The following FGF13 variants were observed in gnomAD, a reference collection of about 807,000 sequenced individuals.
FGF13 encodes fibroblast growth factor 13.
FGF13 carries 2 observed loss-of-function variants against 19.5 expected under a neutral mutation model. The observed-to-expected ratio is 0.10, with a 90% CI of 0.04 to 0.32. The LOEUF (loss-of-function observed/expected upper bound fraction) is 0.32. Among genes scored for constraint, FGF13 ranks in the 10% least tolerant of loss-of-function variants. The pLI is 1.00. For synonymous variants in FGF13, 72 were observed against 76.9 expected (o/e 0.94, Z 0.33); for missense variants, 113 against 192.7 (o/e 0.59, Z 2.45).
At chrX:139,066,650 A>G (rs1178226010) in intron 1 of FGF13, among the ~76,000 whole-genome samples, 2 of 111,503 alleles carry the variant, frequency 1.8e-5, no homozygotes, top group Non-Finnish European at 3.8e-5. Flanking sequence ...CCTACCAACC[A>G]AAACGTCGAG....
At chrX:138,636,510 T>TTGAGTGTACACGTGTC (rs2089186373) in intron 3 of FGF13, among the ~76,000 whole-genome samples, 1 of 112,181 alleles carries the variant, frequency 8.9e-6, no homozygotes. Flanking sequence ...TTTTGTGTGT[T>TTGAGTGTACACGTGTC]TGAGTGTACA....
intron 1 of FGF13, among the ~76,000 whole-genome samples, chrX:138,883,265 C>A (rs2091436885): frequency 8.9e-6 from 1 of 111,931 alleles, no homozygotes; most frequent in Admixed American, 9.5e-5. Flanking sequence ...GGAGGTAAAG[C>A]CCAACTTCAT....
intron 1 of FGF13, among the ~76,000 whole-genome samples, chrX:139,073,381 A>G (rs1244907428): frequency 1.8e-5 from 2 of 111,304 alleles, no homozygotes; most frequent in African/African-American, 6.5e-5. Context: ...TAAAAATAAT[A>G]ATATCATAAG....
intron 1 of FGF13, among the ~76,000 whole-genome samples, chrX:139,111,511 C>G (rs1048378684): frequency 8.9e-6 from 1 of 111,913 alleles, no homozygotes; most frequent in African/African-American, 3.2e-5. Context: ...CTGCCTAATA[C>G]TGAATAACTT....
intron 3 of FGF13, among the ~76,000 whole-genome samples, chrX:138,785,060 A>T (rs998780005): frequency 8.9e-6 from 1 of 112,101 alleles, no homozygotes; most frequent in Non-Finnish European, 1.9e-5. Flanking sequence ...ATGATGTTAC[A>T]GTGTTTTTTC....
At chrX:138,725,717 A>G (rs2090180874) in intron 1 of FGF13, among the ~76,000 whole-genome samples, 1 of 111,238 alleles carries the variant, frequency 9.0e-6, no homozygotes, top group African/African-American at 3.3e-5. Flanking sequence ...TTTTTTCCTA[A>G]CGGTATTTGG....
chrX:138,749,430 G>A (rs1454713640), intron 3 of FGF13, among the ~76,000 whole-genome samples: 1 of 110,137 alleles, frequency 9.1e-6, no homozygotes, highest in Non-Finnish European at 1.9e-5. Context: ...CACAGGCATT[G>A]TAAAATCACA....
downstream of FGF13, among the ~76,000 whole-genome samples, chrX:138,855,841 T>C (rs1196784693): frequency 8.9e-6 from 1 of 111,833 alleles, no homozygotes; most frequent in African/African-American, 3.2e-5. Flanking sequence ...GAAATATTGT[T>C]AAAAATATTT....
At chrX:138,973,544 G>T (rs1158831380) in intron 1 of FGF13, among the ~76,000 whole-genome samples, 1 of 111,797 alleles carries the variant, frequency 8.9e-6, no homozygotes, top group Non-Finnish European at 1.9e-5. Flanking sequence ...TCTAATGTTT[G>T]TTTGTTGATT....
chrX:139,203,064 C>A (rs2084428615), intron 1 of FGF13, among the ~76,000 whole-genome samples: 1 of 112,493 alleles, frequency 8.9e-6, no homozygotes, highest in Non-Finnish European at 1.9e-5. Context: ...CATTCTGGAG[C>A]TAATCCCGGT....
chrX:139,081,694 G>A (rs781079791), intron 1 of FGF13, among the ~76,000 whole-genome samples: 1 of 106,092 alleles, frequency 9.4e-6, no homozygotes, highest in East Asian at 3.0e-4. Context: ...AGTGTGCTCA[G>A]ACCAGAAACC....
At chrX:139,184,354 A>G (rs1052240764) in intron 1 of FGF13, among the ~76,000 whole-genome samples, 7 of 111,862 alleles carry the variant, frequency 6.3e-5, no homozygotes, top group African/African-American at 2.3e-4. Flanking sequence ...CTTGTGGGTA[A>G]TACATTTTTA....
intron 3 of FGF13, among the ~76,000 whole-genome samples, chrX:138,849,817 C>T (rs926943812): frequency 7.1e-5 from 8 of 111,900 alleles, no homozygotes; most frequent in Non-Finnish European, 1.1e-4. Flanking sequence ...GTATAACTTC[C>T]AGATGTTTTC....
At chrX:139,024,385 C>T (rs1392791568) in intron 1 of FGF13, among the ~76,000 whole-genome samples, 1 of 111,130 alleles carries the variant, frequency 9.0e-6, no homozygotes, top group Admixed American at 9.6e-5. Context: ...TTATACAACT[C>T]ATAGAATTGC....
intron 3 of FGF13, among the ~76,000 whole-genome samples, chrX:138,822,418 G>C (rs1354841825): frequency 1.8e-5 from 2 of 111,894 alleles, no homozygotes; most frequent in Non-Finnish European, 3.8e-5. Flanking sequence ...TATGGGCAGT[G>C]TCCTTGCAGA....
At chrX:138,878,550 G>A (rs1441130478) in intron 1 of FGF13, among the ~76,000 whole-genome samples, 6 of 106,281 alleles carry the variant, frequency 5.6e-5, no homozygotes, top group Non-Finnish European at 9.6e-5. Flanking sequence ...CCAGTCTATC[G>A]TTGTTGGACA....
intron 3 of FGF13, among the ~76,000 whole-genome samples, chrX:138,641,836 G>A (rs910291803): frequency 2.1e-4 from 23 of 111,750 alleles, no homozygotes; most frequent in Non-Finnish European, 3.9e-4. Flanking sequence ...ATTAATTCAC[G>A]ATAAACAGAA....
At chrX:138,972,056 TTG>T (rs370317832) in intron 1 of FGF13, among the ~76,000 whole-genome samples, 11 of 94,964 alleles carry the variant, frequency 1.2e-4, no homozygotes, top group African/African-American at 2.7e-4. Context: ...TAGTATTCTA[TTG>T]TGTGTGTGTG....
chrX:138,856,158 C>T (rs1311175879), downstream of FGF13, among the ~76,000 whole-genome samples: 3 of 111,580 alleles, frequency 2.7e-5, no homozygotes, highest in African/African-American at 9.8e-5. Context: ...TGTAAAAGTT[C>T]ACCATTTATA....
Sources: gnomAD v4.1 joint callset for allele counts (sites outside exome capture counted in the v4.1 genomes callset) on GRCh38, gnomAD v4.1.1 for gene constraint, MANE v1.5 for transcripts, NCBI Gene and HGNC (gene_info 2026-07-23, HGNC 2026-07-21) for gene names.